Variants in HCLS1 observed in about 807,000 individuals in gnomAD.
HCLS1 encodes the protein hematopoietic lineage cell-specific protein.
A neutral mutation model predicts 68.6 loss-of-function variants in HCLS1; 44 were observed. The ratio of observed to expected loss-of-function variants is 0.64; its 90% CI spans 0.50 to 0.82. The LOEUF (loss-of-function observed/expected upper bound fraction) is 0.82, where lower values mean the gene tolerates loss of function less well. HCLS1 is among the 40% of genes least tolerant of loss of function. The pLI is 0.00. For missense variants in HCLS1, 602 were observed against 612.1 expected (o/e 0.98, Z 0.17); for synonymous variants, 217 against 225.8 (o/e 0.96, Z 0.35).
rs144205157 is a variant in HCLS1 at position 121,647,442 on chromosome 3, G to A, written c.165C>T (p.His55=). 29 of 1,613,886 alleles carry A rather than the reference G, an allele frequency of 1.8e-5. No homozygotes were observed. The highest frequency in any genetic ancestry group is 2.5e-5 in the Non-Finnish European group (29 of 1,179,994). ...CCTCTGATACTTTGTTCCTCAGCTG[G>A]TGGATGCTGGAAGAAACCACATGAC... ...GSGRTEHINI[H]QLRNKVSEEH... The change falls in exon 4 of 14, where the codon CAC becomes CAT. Residue 55 remains histidine, a synonymous_variant. Transcript: ENST00000314583.
At chr3:121,641,822 C>T (rs1037293783) in intron 6 of HCLS1, among the ~76,000 whole-genome samples, 1 of 152,140 alleles carries the variant, frequency 6.6e-6, no homozygotes, top group African/African-American at 2.4e-5. Flanking sequence ...TGACTCAAGC[C>T]TGTAATCCCA....
chr3:121,647,479 T>A (rs1162733357), intron 3 of HCLS1, 31 bp from the exon 4 acceptor site: 3 of 1,610,116 alleles, frequency 1.9e-6, no homozygotes, highest in Non-Finnish European at 1.7e-6. Context: ...AAGGCTCATC[T>A]ATCCTAGGGA....
chr3:121,632,536 G>C lies in HCLS1; in HGVS notation c.1036C>G (p.Pro346Ala), dbSNP rs1446649785. 1.2e-6 allele frequency: 2 copies of C among 1,613,260 alleles called. No individual in the cohort carries two copies. Among genetic ancestry groups the C allele is most frequent in the Admixed American group, 1.7e-5 (1 of 60,006 alleles). ...ACCTGGAGGCCTTCCAGAGTCCTAG[G>C]GGGCAGAGCTGGGGGCTCCTCATTG... is the stretch of plus-strand genomic sequence containing the variant. ...EDNEEPPALP[P>A]RTLEGLQVEE... Residue 346 changes from proline to alanine, a missense_variant, in exon 12 of 14, where the codon CCT becomes GCT. By Grantham distance (27) the Pro-to-Ala change is conservative. Coordinates refer to ENST00000314583, the MANE Select transcript of HCLS1 (RefSeq NM_005335.6).
At chr3:121,634,092 C>A (rs2049126057) in intron 10 of HCLS1, 115 bp downstream of exon 10, 1 of 1,539,372 alleles carries the variant, frequency 6.5e-7, no homozygotes, top group Non-Finnish European at 8.7e-7. Context: ...AGACAACAGA[C>A]CTTGCCTAAC....
chr3:121,633,639 A>G (rs1377824397), intron 10 of HCLS1, among the ~76,000 whole-genome samples: 1 of 152,032 alleles, frequency 6.6e-6, no homozygotes. Context: ...TTGGGCTCAA[A>G]CAATCCTCCT....
rs188838794 is a variant in HCLS1, at chr3:121,638,039, A to C, written c.455-783T>G. On this transcript the variant is annotated intron_variant, in intron 6 of 13. Coordinates refer to ENST00000314583, the MANE Select transcript of HCLS1 (RefSeq NM_005335.6). Reference sequence around the variant, plus strand: ...CAAAGCTGTATGTGTGAAGATAATTATGAACTGACACCACAGAAAACCCAA... The same window carrying C: ...CAAAGCTGTATGTGTGAAGATAATTCTGAACTGACACCACAGAAAACCCAA... Among the ~76,000 whole-genome samples, 540 of 152,274 alleles carry C rather than the reference A, an allele frequency of 3.5e-3. 3 individuals are homozygous for C. The highest frequency in any genetic ancestry group is 0.012 in the African/African-American group (518 of 41,562).
chr3:121,654,764 G>GT (rs1937824855), intron 3 of HCLS1, among the ~76,000 whole-genome samples: 1 of 152,176 alleles, frequency 6.6e-6, no homozygotes, highest in Non-Finnish European at 1.5e-5. Flanking sequence ...TTTGTTTTTT[G>GT]TTTTTTCATT....
chr3:121,650,335 G>A (rs1576467499), intron 3 of HCLS1, among the ~76,000 whole-genome samples: 1 of 150,556 alleles, frequency 6.6e-6, no homozygotes, highest in Non-Finnish European at 1.5e-5. Context: ...AAATTTATGT[G>A]AAAATGTAAA....
chr3:121,647,185 G>A, intron 4 of HCLS1, 134 bp downstream of exon 4: 1 of 837,686 alleles, frequency 1.2e-6, no homozygotes, highest in Non-Finnish European at 1.9e-6. Flanking sequence ...GTTTCACCGT[G>A]TTAGCCAGGA....
chr3:121,643,522 G>A (rs758060088), intron 5 of HCLS1: 1 of 152,902 alleles, frequency 6.5e-6, no homozygotes, highest in African/African-American at 2.4e-5. Context: ...TGATAATGCT[G>A]TGCCTCTTCT....
Position 121,635,761 on chromosome 3 carries a change from T to G in HCLS1, c.665A>C (p.Tyr222Ser). The G allele has an allele frequency of 1.9e-6, 3 of 1,614,108 alleles. No homozygotes were observed. The highest frequency in any genetic ancestry group is 2.5e-6 in the Non-Finnish European group (3 of 1,179,980). ...GGCTTCTATGGGCGTCGTCTTCTTA[T>G]AAGCTGTGGTCGGGGCCTCCATTTC... ...FNEMEAPTTA[Y>S]KKTTPIEAAS... The change falls in exon 9 of 14, where the codon TAT (tyrosine) becomes TCT (serine). Residue 222 changes from tyrosine to serine, a missense_variant. Tyr to Ser is a moderately radical substitution (Grantham distance 144). Coordinates refer to ENST00000314583, the MANE Select transcript of HCLS1 (RefSeq NM_005335.6).
At position 121,632,153 on chromosome 3, in the gene HCLS1, A is replaced by T; in HGVS notation, c.1272T>A (p.Ala424=). 6.2e-7 allele frequency: 1 copy of T among 1,613,188 alleles called. No individual in the cohort carries two copies. The highest frequency in any genetic ancestry group is 8.5e-7 in the Non-Finnish European group (1 of 1,179,296). Residue 424 remains alanine, a synonymous_variant, in exon 13 of 14, where the codon GCT becomes GCA. Transcript: ENST00000314583. ...GSSGCPAGAG[A]GAVALGISAV... ...CTGAGATCCCCAGAGCCACAGCCCC[A>T]GCCCCAGCCCCAGCCGGGCAGCCTG...
intron 8 of HCLS1, 143 bp downstream of exon 8, chr3:121,636,291 G>C: frequency 1.5e-6 from 1 of 685,084 alleles, no homozygotes; most frequent in Non-Finnish European, 2.6e-6. Context: ...CAGTCAGTGG[G>C]GACTGCAGGA....
intron 3 of HCLS1, among the ~76,000 whole-genome samples, chr3:121,648,449 C>A (rs1937658410): frequency 6.6e-6 from 1 of 152,160 alleles, no homozygotes; most frequent in African/African-American, 2.4e-5. Flanking sequence ...ACAATCAGAT[C>A]TGTTATTTGG....
intron 3 of HCLS1, 89 bp from the exon 4 acceptor site, chr3:121,647,537 C>T: frequency 7.2e-7 from 1 of 1,392,012 alleles, no homozygotes; most frequent in South Asian, 1.2e-5. Context: ...TGAAGTCTGT[C>T]CTGTTTACTT....
At position 121,632,096 on chromosome 3, in the gene HCLS1, C is replaced by T. The variant is rs371393467; in HGVS notation, c.1324+5G>A. On this transcript the variant is annotated splice_donor_5th_base_variant and intron_variant, in intron 13 of 13. Coordinates refer to ENST00000314583, the MANE Select transcript of HCLS1 (RefSeq NM_005335.6). ...ACCAGGCTCCTCGGGCCACTCCCAA[C>T]CTACCTCCTTGGTAATCATATACAG... The T allele has an allele frequency of 2.2e-4, 353 of 1,614,102 alleles. No homozygotes were observed. The highest frequency in any genetic ancestry group is 3.0e-4 in the Admixed American group (18 of 60,022).
rs748051655 is a variant in HCLS1, at chr3:121,635,735, C to T, written c.691G>A (p.Ala231Thr). The T allele has an allele frequency of 4.3e-6, 7 of 1,611,968 alleles. No individual in the cohort carries two copies. Among genetic ancestry groups the T allele is most frequent in the Admixed American group, 3.3e-5 (2 of 60,004 alleles). ...TGGAGAGTGAATCACTAAGCCTCACCGGCTTCTATGGGCGTCGTCTTCTTA... is the reference window on the plus strand; with the variant it reads ...TGGAGAGTGAATCACTAAGCCTCACTGGCTTCTATGGGCGTCGTCTTCTTA... ...AYKKTTPIEA[A>T]SSGTRGLKAK... is the part of the protein sequence containing the mutation. The change falls in exon 9 of 14, where the codon GCT (alanine) becomes ACT (threonine). Residue 231 changes from alanine (A) to threonine (T), a missense_variant and splice_region_variant. Physicochemically the swap from Ala to Thr is moderately conservative, Grantham distance 58 (BLOSUM62 0). Transcript: ENST00000314583.
chr3:121,636,820 G>A (rs984098837), intron 7 of HCLS1, among the ~76,000 whole-genome samples: 2 of 152,170 alleles, frequency 1.3e-5, no homozygotes, highest in African/African-American at 4.8e-5. Context: ...TTTATCCTCT[G>A]TGAGGACAGC....
Position 121,632,235 on chromosome 3 carries a change from CAG to C in HCLS1, c.1241-53_1241-52del, listed in dbSNP as rs755040563. 22 of 1,607,380 alleles carry C rather than the reference CAG, an allele frequency of 1.4e-5. No homozygotes were observed. The East Asian group carries it at 4.9e-4, about 36-fold the overall frequency. ...GGATCATCAACATGAAGAAGGCAAA[CAG>C]AGAAAGATCCTACTGGGGCAATAGA... On this transcript the variant is annotated intron_variant, in intron 12 of 13. Coordinates refer to ENST00000314583, the MANE Select transcript of HCLS1 (RefSeq NM_005335.6).
Sources: gnomAD v4.1 joint callset for allele counts (sites outside exome capture counted in the v4.1 genomes callset) on GRCh38, gnomAD v4.1.1 for gene constraint, MANE v1.5 for transcripts, NCBI Gene and HGNC (gene_info 2026-07-23, HGNC 2026-07-21) for gene names.